SLC25A40: variants seen among roughly 807,000 people sequenced by gnomAD.
SLC25A40 encodes solute carrier family 25 member 40.
Under a neutral mutation model 46.5 loss-of-function variants are expected in SLC25A40, and 41 were observed. The observed-to-expected ratio is 0.88, with a 90% CI of 0.69 to 1.14. The LOEUF (loss-of-function observed/expected upper bound fraction) is 1.14, where lower values mean the gene tolerates loss of function less well. SLC25A40 is among the 50% of genes most tolerant of loss of function. The probability of loss-of-function intolerance (pLI) is 0.00; values close to 1 mark genes in which losing one functional copy is unlikely to be tolerated. For missense variants in SLC25A40, 386 were observed against 393.6 expected (o/e 0.98, Z 0.16); for synonymous variants, 126 against 127.5 (o/e 0.99, Z 0.08).
At chr7:87,844,282 T>A (rs1838379996) in intron 8 of SLC25A40, among the ~76,000 whole-genome samples, 2 of 152,222 alleles carry the variant, frequency 1.3e-5, no homozygotes, top group East Asian at 3.9e-4. Flanking sequence ...ATAATACAAA[T>A]CTTTAAATGT....
At chr7:87,869,591 ACC>A (rs1554322085) in intron 1 of SLC25A40, among the ~76,000 whole-genome samples, 1 of 150,920 alleles carries the variant, frequency 6.6e-6, no homozygotes, top group Non-Finnish European at 1.5e-5. Flanking sequence ...TTCAGTTCGT[ACC>A]CCCTTTTTTT....
intron 1 of SLC25A40, among the ~76,000 whole-genome samples, chr7:87,872,751 C>T (rs985983105): frequency 2.0e-5 from 3 of 152,296 alleles, no homozygotes; most frequent in Admixed American, 2.0e-4. Flanking sequence ...CATCTGAGGT[C>T]AGGAGTTCAA....
chr7:87,865,458 C>A (rs1677207739), intron 1 of SLC25A40, among the ~76,000 whole-genome samples: 1 of 152,172 alleles, frequency 6.6e-6, no homozygotes, highest in Non-Finnish European at 1.5e-5. Flanking sequence ...GAATTGCACA[C>A]CACAATTACA....
chr7:87,856,559 CTCTCA>C (rs1238143593), intron 3 of SLC25A40, among the ~76,000 whole-genome samples: 1 of 152,110 alleles, frequency 6.6e-6, no homozygotes, highest in Non-Finnish European at 1.5e-5. Context: ...CGAATTACTT[CTCTCA>C]TGAGTACTAA....
chr7:87,836,797 C>T lies in SLC25A40; in HGVS notation c.837G>A (p.Leu279=), dbSNP rs775468495. The change falls in exon 11 of 12, where the codon TTG becomes TTA. Residue 279 remains leucine (L), a synonymous_variant. Coordinates refer to ENST00000341119, the MANE Select transcript of SLC25A40 (RefSeq NM_018843.4). Reference sequence around the variant, plus strand: ...TCATTATAATCCAGGTTGACATATGCAAAGGCATAGAAACTAAATGTTAAA... The same window carrying T: ...TCATTATAATCCAGGTTGACATATGTAAAGGCATAGAAACTAAATGTTAAA... The part of the protein sequence containing the change: ...TYESHKISMP[L]HMSTWIIMKN... The T allele has an allele frequency of 2.6e-6, 4 of 1,510,910 alleles. No individual in the cohort carries two copies. In the South Asian group the frequency reaches 3.9e-5, roughly 15 times the overall value. The allele number at this position is 1,510,910 out of a possible 1,614,324, so 93.6% of individuals were successfully genotyped here. A position where few individuals can be genotyped will look rare whatever the true frequency, so the allele number is the denominator to read the frequency against.
rs1436380205 is a variant in SLC25A40 at position 87,835,471 on chromosome 7, C to T, written c.*778G>A. On this transcript the variant is annotated 3_prime_UTR_variant, in exon 12 of 12. Coordinates refer to ENST00000341119, the MANE Select transcript of SLC25A40 (RefSeq NM_018843.4). ...ATTCCTGTGTGCAAACTATTTTTAC[C>T]AGTCTAAATACTATATGGTTTACCA... The T allele has an allele frequency of 3.3e-5, 5 of 151,498 alleles. No homozygotes were observed. The Admixed American group carries it at 3.3e-4, about 10-fold the overall frequency. The allele number at this position is 151,498 out of a possible 1,614,324, so 9.4% of individuals were successfully genotyped here. A position where few individuals can be genotyped will look rare whatever the true frequency, so the allele number is the denominator to read the frequency against.
Position 87,848,163 on chromosome 7 carries a change from TAG to T in SLC25A40, c.333-188_333-187del, listed in dbSNP as rs373469144. Among the ~76,000 whole-genome samples, 24 of 152,338 alleles carry T rather than the reference TAG, an allele frequency of 1.6e-4. No individual in the cohort carries two copies. In the East Asian group the frequency reaches 4.2e-3, roughly 27 times the overall value. ...TAAAAATGATTAGTACTTAACTTAG[TAG>T]GCAGTAAAAAGATATAAAGTAGGCA... On this transcript the variant is annotated intron_variant, in intron 6 of 11. Coordinates refer to ENST00000341119, the MANE Select transcript of SLC25A40 (RefSeq NM_018843.4).
chr7:87,849,937 A>T lies in SLC25A40; in HGVS notation c.276T>A (p.Phe92Leu), dbSNP rs779477752. The stretch of plus-strand genomic sequence containing the variant: ...TAATGCCCTCATTTCGAATGATTTT[A>T]AAAAATGCATCCTAAAGTTATAATA... ...GNFQGTLDAF[F>L]KIIRNEGIKS... Residue 92 changes from phenylalanine to leucine, a missense_variant, in exon 6 of 12, where the codon TTT (phenylalanine) becomes TTA (leucine). By Grantham distance (22) the Phe-to-Leu change is conservative. Coordinates refer to ENST00000341119, the MANE Select transcript of SLC25A40 (RefSeq NM_018843.4). 3 of 1,596,786 alleles carry T rather than the reference A, an allele frequency of 1.9e-6. No homozygotes were observed. Among genetic ancestry groups the T allele is most frequent in the South Asian group, 1.1e-5 (1 of 87,262 alleles).
intron 5 of SLC25A40, among the ~76,000 whole-genome samples, chr7:87,850,202 T>C (rs1838487000): frequency 6.6e-6 from 1 of 152,050 alleles, no homozygotes; most frequent in Non-Finnish European, 1.5e-5. Flanking sequence ...ACTAAGAGCT[T>C]AGAAAAAAAG....
intron 9 of SLC25A40, 180 bp from the exon 10 acceptor site, chr7:87,841,894 A>T: frequency 2.9e-6 from 1 of 342,210 alleles, no homozygotes; most frequent in Non-Finnish European, 5.2e-6. Context: ...ATTTCTCACT[A>T]TACTCAAAAG....
chr7:87,849,994 C>A (rs1018303267), intron 5 of SLC25A40, 46 bp from the exon 6 acceptor site: 5 of 1,222,866 alleles, frequency 4.1e-6, no homozygotes, highest in East Asian at 5.4e-5. Flanking sequence ...ATCTTTAAAC[C>A]TTTTATACAA....
intron 10 of SLC25A40, among the ~76,000 whole-genome samples, chr7:87,841,182 T>C (rs1285942569): frequency 6.7e-6 from 1 of 149,340 alleles, no homozygotes; most frequent in Non-Finnish European, 1.5e-5. Context: ...TATATACATA[T>C]ATATAATCAA....
chr7:87,854,854 A>G (rs938053064), intron 4 of SLC25A40, among the ~76,000 whole-genome samples: 9 of 146,238 alleles, frequency 6.2e-5, no homozygotes, highest in African/African-American at 2.3e-4. Flanking sequence ...TAGTGGATTT[A>G]TGTTTTCAGA....
chr7:87,868,375 T>TA (rs1429160513), intron 1 of SLC25A40, among the ~76,000 whole-genome samples: 1 of 152,132 alleles, frequency 6.6e-6, no homozygotes, highest in Admixed American at 6.5e-5. Flanking sequence ...CCCCTACCTA[T>TA]ATGCAGTGGA....
At chr7:87,853,692 T>C (rs928254339) in intron 5 of SLC25A40, among the ~76,000 whole-genome samples, 1 of 152,200 alleles carries the variant, frequency 6.6e-6, no homozygotes, top group East Asian at 1.9e-4. Context: ...AAAGGTTATA[T>C]ATGTCATGAT....
chr7:87,857,283 T>C (rs1358721413), intron 3 of SLC25A40, among the ~76,000 whole-genome samples: 1 of 152,204 alleles, frequency 6.6e-6, no homozygotes, highest in Non-Finnish European at 1.5e-5. Flanking sequence ...CTTTCTATTA[T>C]AGACATGGGG....
At chr7:87,866,992 C>T (rs72510317) in intron 1 of SLC25A40, among the ~76,000 whole-genome samples, 19 of 150,620 alleles carry the variant, frequency 1.3e-4, no homozygotes, top group African/African-American at 3.4e-4. Context: ...GCCTTTTAAG[C>T]GCTTATTCTG....
chr7:87,867,849 T>A (rs1438202846), intron 1 of SLC25A40, among the ~76,000 whole-genome samples: 1 of 152,232 alleles, frequency 6.6e-6, no homozygotes, highest in African/African-American at 2.4e-5. Flanking sequence ...TAGTAAGCAA[T>A]CTAAATGCTG....
In SLC25A40 at chr7:87,834,975, A is replaced by G. The variant is rs1308158219; in HGVS notation, c.*1274T>C. ...CACTTTCCTACTATAGTACAAAATC[A>G]ATTAGTTCCTCTACCAGCACTAAAG... On this transcript the variant is annotated 3_prime_UTR_variant, in exon 12 of 12. Coordinates refer to ENST00000341119, the MANE Select transcript of SLC25A40 (RefSeq NM_018843.4). The G allele has an allele frequency of 6.6e-6, 1 of 151,494 alleles. No individual in the cohort carries two copies. Among genetic ancestry groups the G allele is most frequent in the Admixed American group, 6.6e-5 (1 of 15,146 alleles). 9.4% of individuals were successfully genotyped at this position (151,494 alleles called of 1,614,324 possible). A position where few individuals can be genotyped will look rare whatever the true frequency, so the allele number is the denominator to read the frequency against.
Sources: gnomAD v4.1 joint callset for allele counts (sites outside exome capture counted in the v4.1 genomes callset) on GRCh38, gnomAD v4.1.1 for gene constraint, MANE v1.5 for transcripts, NCBI Gene and HGNC (gene_info 2026-07-23, HGNC 2026-07-21) for gene names.